Variants in FERMT3 observed in about 807,000 individuals in gnomAD.
FERMT3 encodes fermitin family homolog 3.
Under a neutral mutation model 80.8 loss-of-function variants are expected in FERMT3, and 33 were observed. That is an observed-to-expected ratio of 0.41 (90% CI 0.31 to 0.55). FERMT3 has a LOEUF of 0.55. FERMT3 is among the 20% of genes least tolerant of loss of function. FERMT3 has a pLI of 0.31. For synonymous variants in FERMT3, 375 were observed against 372.2 expected (o/e 1.01, Z -0.09); for missense variants, 754 against 908.7 (o/e 0.83, Z 2.19).
chr11:64,207,023 C>T (rs1946324677), intron 1 of FERMT3, among the ~76,000 whole-genome samples: 1 of 152,222 alleles, frequency 6.6e-6, no homozygotes, highest in South Asian at 2.1e-4. Flanking sequence ...GAGTGGGCAG[C>T]TGCCCCTGAG....
chr11:64,207,206 G>A, intron 1 of FERMT3, 145 bp from the exon 2 acceptor site: 1 of 863,076 alleles, frequency 1.2e-6, no homozygotes, highest in Non-Finnish European at 1.8e-6. Flanking sequence ...GGGTACCACG[G>A]GCGTGCTGGC....
chr11:64,209,760 C>T (rs1379065232), intron 2 of FERMT3, among the ~76,000 whole-genome samples: 1 of 152,134 alleles, frequency 6.6e-6, no homozygotes, highest in African/African-American at 2.4e-5. Context: ...AGAAAACTCA[C>T]CGGGAGGACC....
intron 6 of FERMT3, among the ~76,000 whole-genome samples, chr11:64,217,464 G>C (rs185899289): frequency 2.0e-5 from 3 of 152,178 alleles, no homozygotes; most frequent in African/African-American, 7.2e-5. Context: ...CAGGAGAATC[G>C]CTTGAACCCG....
At position 64,219,101 on chromosome 11, in the gene FERMT3, G is replaced by T; in HGVS notation, c.787-150G>T. On this transcript the variant is annotated intron_variant, in intron 6 of 14. Transcript: ENST00000345728. The surrounding 1 kb of genome is among the most constrained non-coding windows in gnomAD (Gnocchi z 4.0). ...GCAGGCTATTAAGGATGGGGTTGAG[G>T]TCTGTGGCCCATGTCTGGCCACTGA... 1.4e-6 allele frequency: 1 copy of T among 722,238 alleles called. No individual in the cohort carries two copies. The highest frequency in any genetic ancestry group is 2.4e-6 in the Non-Finnish European group (1 of 421,644). The allele number at this position is 722,238 out of a possible 1,614,324, so 44.7% of individuals were successfully genotyped here. A position where few individuals can be genotyped will look rare whatever the true frequency, so the allele number is the denominator to read the frequency against.
At chr11:64,223,027 C>A in intron 13 of FERMT3, 21 bp from the exon 14 acceptor site, 1 of 1,613,056 alleles carries the variant, frequency 6.2e-7, no homozygotes, top group Non-Finnish European at 8.5e-7. Flanking sequence ...CCCTGGCTCA[C>A]TCTCTCTCCC....
At chr11:64,215,239 C>G (rs554394039) in intron 6 of FERMT3, among the ~76,000 whole-genome samples, 2 of 152,328 alleles carry the variant, frequency 1.3e-5, no homozygotes, top group South Asian at 4.1e-4. Flanking sequence ...TCCCACACCC[C>G]GACCACCACT....
intron 6 of FERMT3, among the ~76,000 whole-genome samples, chr11:64,217,410 G>A (rs1245802637): frequency 2.0e-5 from 3 of 152,148 alleles, no homozygotes; most frequent in African/African-American, 7.2e-5. Context: ...GTAGCTGGGC[G>A]TGGTGGTGCA....
chr11:64,223,728 TCTGAGTGG>T lies in FERMT3; in HGVS notation c.*242_*249del. On this transcript the variant is annotated 3_prime_UTR_variant, in exon 15 of 15. Transcript: ENST00000345728. ...GCTCATGTGGTGCCCCCTTTCCTTG[TCTGAGTGG>T]CTGAGGCTGATACCCCTGACCTATC... is the stretch of plus-strand genomic sequence containing the variant. 1 of 755,980 alleles carries T rather than the reference TCTGAGTGG, an allele frequency of 1.3e-6. No homozygotes were observed. Among genetic ancestry groups the T allele is most frequent in the South Asian group, 1.8e-5 (1 of 54,992 alleles). 46.8% of individuals were successfully genotyped at this position (755,980 alleles called of 1,614,324 possible).
At position 64,221,010 on chromosome 11, in the gene FERMT3, C is replaced by T. The variant is rs200208378; in HGVS notation, c.1546-6C>T. ...CTGGCAGCCCGTCACCAGTATGGTCCCGCAGCTCACCCCACGGATCCTGGA... is the reference window on the plus strand; with the variant it reads ...CTGGCAGCCCGTCACCAGTATGGTCTCGCAGCTCACCCCACGGATCCTGGA... On this transcript the variant is annotated splice_polypyrimidine_tract_variant and splice_region_variant and intron_variant, in intron 12 of 14. Coordinates refer to ENST00000345728, the MANE Select transcript of FERMT3 (RefSeq NM_031471.6). 96 of 1,611,716 alleles carry T rather than the reference C, an allele frequency of 6.0e-5. No homozygotes were observed. In the African/African-American group the frequency reaches 1.2e-3, roughly 20 times the overall value.
chr11:64,212,207 G>C (rs1474417274), intron 6 of FERMT3, among the ~76,000 whole-genome samples: 5 of 152,188 alleles, frequency 3.3e-5, no homozygotes, highest in Non-Finnish European at 7.4e-5. Context: ...TCTGTGCCCT[G>C]TTCACTCTTC....
intron 10 of FERMT3, 60 bp downstream of exon 10, chr11:64,220,075 A>C: frequency 6.2e-7 from 1 of 1,604,810 alleles, no homozygotes; most frequent in African/African-American, 1.3e-5. Flanking sequence ...TAGGCAGGTG[A>C]ATGCTCTCAC....
In FERMT3 at chr11:64,219,462, G is replaced by C. The variant is rs1591038108; in HGVS notation, c.895-62G>C. 2 of 1,561,704 alleles carry C rather than the reference G, an allele frequency of 1.3e-6. No homozygotes were observed. The highest frequency in any genetic ancestry group is 1.2e-5 in the South Asian group (1 of 86,050). On this transcript the variant is annotated intron_variant, in intron 7 of 14. Transcript: ENST00000345728. This position sits in a 1 kb window ranked among gnomAD's most constrained non-coding sequence, Gnocchi z 4.0. ...GGCTACCTCCAGGGAAGCCCGGCCT[G>C]GGGGTACTGCTAGGGGACCAGGCTG...
chr11:64,219,620 G>A lies in FERMT3; in HGVS notation c.991G>A (p.Glu331Lys), dbSNP rs1278572116. The A allele has an allele frequency of 1.2e-6, 2 of 1,613,144 alleles. No individual in the cohort carries two copies. Among genetic ancestry groups the A allele is most frequent in the Non-Finnish European group, 1.7e-6 (2 of 1,179,988 alleles). The stretch of plus-strand genomic sequence containing the variant: ...CCTGGATGTGGCCCTGAGCAACCTG[G>A]AGGTGAAGCTGGAGGGGTCGGCGCC... ...DDLDVALSNL[E>K]VKLEGSAPTD... Residue 331 changes from glutamate to lysine, a missense_variant, in exon 8 of 15, where the codon GAG (glutamate) becomes AAG (lysine). Transcript: ENST00000345728. This position sits in a 1 kb window ranked among gnomAD's most constrained non-coding sequence, Gnocchi z 4.0.
intron 10 of FERMT3, 21 bp downstream of exon 10, chr11:64,220,036 G>C: frequency 6.2e-7 from 1 of 1,612,772 alleles, no homozygotes; most frequent in Non-Finnish European, 8.5e-7. Context: ...AGGGCCAGGG[G>C]CTGGGTGGGG....
rs1306506114 is a variant in FERMT3 at position 64,211,833 on chromosome 11, G to A, written c.786+86G>A. The A allele has an allele frequency of 1.6e-6, 2 of 1,288,674 alleles. No individual in the cohort carries two copies. Among genetic ancestry groups the A allele is most frequent in the East Asian group, 4.6e-5 (2 of 43,112 alleles). 79.8% of individuals were successfully genotyped at this position (1,288,674 alleles called of 1,614,324 possible). On this transcript the variant is annotated intron_variant, in intron 6 of 14. Coordinates refer to ENST00000345728, the MANE Select transcript of FERMT3 (RefSeq NM_031471.6). The surrounding 1 kb of genome is among the most constrained non-coding windows in gnomAD (Gnocchi z 4.7). ...GGGGTATGGGCTCTGGGATGTTAGT[G>A]ACTTGTAGTGGCCTGTCCGTCTGCC...
chr11:64,209,925 A>C (rs1398296422), intron 2 of FERMT3, among the ~76,000 whole-genome samples: 2 of 152,186 alleles, frequency 1.3e-5, no homozygotes, highest in East Asian at 3.9e-4. Context: ...CTGTAACTCC[A>C]GTTCCCAGCT....
chr11:64,221,696 A>G (rs1488676642), intron 13 of FERMT3, among the ~76,000 whole-genome samples: 2 of 151,400 alleles, frequency 1.3e-5, no homozygotes, highest in Non-Finnish European at 2.9e-5. Flanking sequence ...TGGGAGGCCG[A>G]GGCGGGCAGA....
chr11:64,209,022 G>A (rs1591024895), intron 2 of FERMT3, among the ~76,000 whole-genome samples: 1 of 152,210 alleles, frequency 6.6e-6, no homozygotes, highest in Admixed American at 6.5e-5. Context: ...CGGGCAGGGA[G>A]GATGGAGAGG....
chr11:64,210,718 C>T lies in FERMT3; in HGVS notation c.268C>T (p.Arg90Cys), dbSNP rs373315115. ...LDKYGILADARLFFGPQHRPV... is the reference protein window; with the variant it reads ...LDKYGILADACLFFGPQHRPV... ...CAAGTACGGGATCCTGGCCGACGCACGCCTCTTCTTTGGGCCCCAGCACCG... is the reference window on the plus strand; with the variant it reads ...CAAGTACGGGATCCTGGCCGACGCATGCCTCTTCTTTGGGCCCCAGCACCG... The change falls in exon 3 of 15, where the codon CGC (arginine) becomes TGC (cysteine). Residue 90 changes from arginine to cysteine, a missense_variant. Coordinates refer to ENST00000345728, the MANE Select transcript of FERMT3 (RefSeq NM_031471.6). This position sits in a 1 kb window ranked among gnomAD's most constrained non-coding sequence, Gnocchi z 4.3. 1.4e-4 allele frequency: 220 copies of T among 1,614,200 alleles called. No homozygotes were observed. In the Middle Eastern group the frequency reaches 1.6e-3, roughly 12 times the overall value.
Sources: gnomAD v4.1 joint callset for allele counts (sites outside exome capture counted in the v4.1 genomes callset) on GRCh38, gnomAD v4.1.1 for gene constraint, Gnocchi (gnomAD v3.1) non-coding constraint, MANE v1.5 for transcripts, NCBI Gene and HGNC (gene_info 2026-07-23, HGNC 2026-07-21) for gene names.